SLC24A3: variants seen among roughly 807,000 people sequenced by gnomAD.
SLC24A3 encodes the protein solute carrier family 24 member 3.
A neutral mutation model predicts 75.8 loss-of-function variants in SLC24A3; 28 were observed. That is an observed-to-expected ratio of 0.37 (90% CI 0.27 to 0.51). The LOEUF (loss-of-function observed/expected upper bound fraction) is 0.51. Ranked by LOEUF, SLC24A3 falls within the 20% of genes least tolerant of loss-of-function variation. The pLI is 0.94. For missense variants in SLC24A3, 663 were observed against 847.8 expected (o/e 0.78, Z 2.71); for synonymous variants, 372 against 334.1 (o/e 1.11, Z -1.24).
chr20:19,435,931 G>A (rs1987192437), intron 2 of SLC24A3, among the ~76,000 whole-genome samples: 1 of 152,180 alleles, frequency 6.6e-6, no homozygotes, highest in Non-Finnish European at 1.5e-5. Flanking sequence ...TCTTGGGTCT[G>A]CAGCTTAATC....
intron 3 of SLC24A3, among the ~76,000 whole-genome samples, chr20:19,523,155 C>T (rs1220985711): frequency 6.6e-6 from 1 of 152,144 alleles, no homozygotes; most frequent in Non-Finnish European, 1.5e-5. Flanking sequence ...AACAAACTAT[C>T]TTCAAAAGAA....
chr20:19,648,194 C>T (rs1429571076), intron 6 of SLC24A3, among the ~76,000 whole-genome samples: 1 of 152,182 alleles, frequency 6.6e-6, no homozygotes, highest in Non-Finnish European at 1.5e-5. Flanking sequence ...CCTGTCTGAA[C>T]TTCAGCACCA....
chr20:19,344,233 T>G (rs746114792), intron 2 of SLC24A3, among the ~76,000 whole-genome samples: 2 of 152,226 alleles, frequency 1.3e-5, no homozygotes, highest in African/African-American at 2.4e-5. Flanking sequence ...TTTCCTTGAT[T>G]TTTTACTACC....
At chr20:19,683,005 T>C (rs2032632654) in intron 10 of SLC24A3, among the ~76,000 whole-genome samples, 1 of 152,236 alleles carries the variant, frequency 6.6e-6, no homozygotes, top group African/African-American at 2.4e-5. Flanking sequence ...AGTTTATTTT[T>C]TCTTGGTCCC....
chr20:19,520,562 G>A (rs918409121), intron 3 of SLC24A3, among the ~76,000 whole-genome samples: 2 of 152,180 alleles, frequency 1.3e-5, no homozygotes, highest in African/African-American at 2.4e-5. Flanking sequence ...AGGTCATTCC[G>A]GAAGTCCAAG....
chr20:19,347,701 T>C (rs748524291), intron 2 of SLC24A3, among the ~76,000 whole-genome samples: 3 of 152,216 alleles, frequency 2.0e-5, no homozygotes, highest in Non-Finnish European at 4.4e-5. Context: ...GGCGACATTA[T>C]AGAAATGGAA....
At chr20:19,696,218 T>G (rs1359723040) in intron 13 of SLC24A3, 1 of 152,166 alleles carries the variant, frequency 6.6e-6, no homozygotes, top group African/African-American at 2.4e-5. Flanking sequence ...AAGGTCTCAC[T>G]ATGTTGCTCA....
At chr20:19,272,107 T>A (rs1983346651) in intron 1 of SLC24A3, among the ~76,000 whole-genome samples, 1 of 152,280 alleles carries the variant, frequency 6.6e-6, no homozygotes, top group African/African-American at 2.4e-5. Flanking sequence ...TCAGAACTTC[T>A]GCTTTCTCTG....
chr20:19,401,212 G>A (rs1405412762), intron 2 of SLC24A3, among the ~76,000 whole-genome samples: 2 of 152,210 alleles, frequency 1.3e-5, no homozygotes, highest in Admixed American at 6.5e-5. Context: ...AAACCTCTGA[G>A]GTCAGACAGT....
chr20:19,233,762 G>A (rs1454653094), intron 1 of SLC24A3, among the ~76,000 whole-genome samples: 1 of 152,230 alleles, frequency 6.6e-6, no homozygotes, highest in African/African-American at 2.4e-5. Context: ...GCTCACAAGA[G>A]TGAAGGGCAT....
chr20:19,398,826 G>A (rs1986500668), intron 2 of SLC24A3, among the ~76,000 whole-genome samples: 1 of 152,118 alleles, frequency 6.6e-6, no homozygotes, highest in South Asian at 2.1e-4. Context: ...GAATAATTCT[G>A]TCTTCATAAA....
chr20:19,266,874 G>GTA (rs1299865149), intron 1 of SLC24A3, among the ~76,000 whole-genome samples: 2 of 151,992 alleles, frequency 1.3e-5, no homozygotes, highest in African/African-American at 4.8e-5. Context: ...TATACGTTAT[G>GTA]TATATATATG....
At position 19,380,065 on chromosome 20, in the gene SLC24A3, G is replaced by T. The variant is rs148710312; in HGVS notation, c.271+98978G>T. Among the ~76,000 whole-genome samples, 94 of 152,250 alleles carry T rather than the reference G, an allele frequency of 6.2e-4. 1 individual carries two copies. The East Asian group carries it at 0.017, about 27-fold the overall frequency. On this transcript the variant is annotated intron_variant, in intron 2 of 16. Coordinates refer to ENST00000328041, the MANE Select transcript of SLC24A3 (RefSeq NM_020689.4). The stretch of plus-strand genomic sequence containing the variant: ...CTACAGGGAACTTACAATAATGGAG[G>T]CAGGTAATAATCAAATAATATTCAA...
At chr20:19,586,959 A>AT (rs1484935456) in intron 6 of SLC24A3, among the ~76,000 whole-genome samples, 2 of 152,142 alleles carry the variant, frequency 1.3e-5, no homozygotes, top group East Asian at 3.9e-4. Context: ...TGTAGTTAGT[A>AT]TTTTTTTAAA....
intron 2 of SLC24A3, among the ~76,000 whole-genome samples, chr20:19,354,594 G>T: frequency 6.8e-6 from 1 of 147,450 alleles, no homozygotes; most frequent in Admixed American, 6.8e-5. Flanking sequence ...GTGTATGTGT[G>T]TGTGTGTGTG....
At chr20:19,252,259 G>C (rs1017504958) in intron 1 of SLC24A3, among the ~76,000 whole-genome samples, 1 of 152,194 alleles carries the variant, frequency 6.6e-6, no homozygotes, top group Non-Finnish European at 1.5e-5. Context: ...TGAAAGAGGA[G>C]TTGCAGCCAG....
chr20:19,610,596 G>C (rs957647232), intron 6 of SLC24A3, among the ~76,000 whole-genome samples: 11 of 152,178 alleles, frequency 7.2e-5, no homozygotes, highest in Non-Finnish European at 1.5e-4. Context: ...TTTGGGATAG[G>C]ATCCTAGGAA....
intron 3 of SLC24A3, among the ~76,000 whole-genome samples, chr20:19,517,122 T>C (rs2030009389): frequency 6.6e-6 from 1 of 152,146 alleles, no homozygotes; most frequent in Non-Finnish European, 1.5e-5. Context: ...CTCCCTGCCT[T>C]TCAGGGAAGT....
intron 2 of SLC24A3, among the ~76,000 whole-genome samples, chr20:19,341,384 A>G (rs1399263318): frequency 6.6e-6 from 1 of 152,224 alleles, no homozygotes; most frequent in Non-Finnish European, 1.5e-5. Context: ...CAAAAGGCCC[A>G]GAGGTCATCT....
Sources: gnomAD v4.1 joint callset for allele counts (sites outside exome capture counted in the v4.1 genomes callset) on GRCh38, gnomAD v4.1.1 for gene constraint, MANE v1.5 for transcripts, NCBI Gene and HGNC (gene_info 2026-07-23, HGNC 2026-07-21) for gene names.